Variants in USP8 observed in about 807,000 individuals in gnomAD.
USP8 encodes the protein ubiquitin carboxyl-terminal hydrolase 8.
In USP8, 27 loss-of-function variants were observed where a neutral mutation model predicts 130.0. The observed-to-expected ratio is 0.21, with a 90% CI of 0.15 to 0.29. The LOEUF is 0.29. USP8 is among the 10% of genes least tolerant of loss of function. The pLI is 1.00. For missense variants in USP8, 1,029 were observed against 1,312.2 expected, an observed-to-expected ratio of 0.78 and a Z score of 3.33; for synonymous variants, 392 against 444.1, an observed-to-expected ratio of 0.88 and a Z score of 1.48.
At chr15:50,454,880 A>C (rs1375988743) in intron 4 of USP8, among the ~76,000 whole-genome samples, 1 of 152,032 alleles carries the variant, frequency 6.6e-6, no homozygotes, top group Non-Finnish European at 1.5e-5. Context: ...TCCTGGGCTC[A>C]AGCAATCCCA....
chr15:50,448,816 G>A (rs1204278527), intron 3 of USP8, among the ~76,000 whole-genome samples: 2 of 152,028 alleles, frequency 1.3e-5, no homozygotes, highest in Non-Finnish European at 2.9e-5. Flanking sequence ...CACTGCACCC[G>A]GCCTAGATTA....
At chr15:50,476,115 G>C (rs1187415034) in intron 8 of USP8, among the ~76,000 whole-genome samples, 1 of 152,102 alleles carries the variant, frequency 6.6e-6, no homozygotes, top group Non-Finnish European at 1.5e-5. Flanking sequence ...TCAAACGATT[G>C]ACTCAGTTTT....
At chr15:50,495,187 C>CAGAT (rs1458517826) in intron 16 of USP8, among the ~76,000 whole-genome samples, 2 of 150,184 alleles carry the variant, frequency 1.3e-5, no homozygotes, top group African/African-American at 4.9e-5. Flanking sequence ...AACCACTGAA[C>CAGAT]AGATATATAT....
At chr15:50,491,776 T>C (rs998477111) in intron 14 of USP8, among the ~76,000 whole-genome samples, 5 of 152,228 alleles carry the variant, frequency 3.3e-5, no homozygotes, top group African/African-American at 1.2e-4. Flanking sequence ...CCCAGCACTG[T>C]CCAGCAGATC....
chr15:50,433,421 A>G (rs1361766555), intron 1 of USP8, among the ~76,000 whole-genome samples: 4 of 152,068 alleles, frequency 2.6e-5, no homozygotes, highest in Non-Finnish European at 5.9e-5. Context: ...TTTCCTTTCA[A>G]TATTGCCAAA....
rs1458658570 is a variant in USP8 at position 50,493,582 on chromosome 15, C to T, written c.2448-488C>T. 3.6e-5 allele frequency: 17 copies of T among 474,424 alleles called. No individual in the cohort carries two copies. In the East Asian group the frequency reaches 7.2e-4, roughly 20 times the overall value. 29.4% of individuals were successfully genotyped at this position (474,424 alleles called of 1,614,324 possible). A position where few individuals can be genotyped will look rare whatever the true frequency, so the allele number is the denominator to read the frequency against. On this transcript the variant is annotated intron_variant, in intron 15 of 19. Coordinates refer to ENST00000307179, the MANE Select transcript of USP8 (RefSeq NM_005154.5). ...CAGTCTGGGCAACAAGGCAAAACTC[C>T]GTCTCTACAAAAATTAGCTAGGTGT... is the stretch of plus-strand genomic sequence containing the variant.
At chr15:50,474,317 T>C (rs1479541884) in intron 8 of USP8, among the ~76,000 whole-genome samples, 2 of 152,158 alleles carry the variant, frequency 1.3e-5, no homozygotes, top group Non-Finnish European at 2.9e-5. Context: ...TGTTAAATTA[T>C]TAACAATGAT....
chr15:50,458,831 T>G (rs2050878895), intron 4 of USP8, among the ~76,000 whole-genome samples, 169 bp from the exon 5 acceptor site: 1 of 152,186 alleles, frequency 6.6e-6, no homozygotes, highest in African/African-American at 2.4e-5. Context: ...CAATTTGAAG[T>G]AAATCTACAG....
chr15:50,485,290 A>G (rs1160150815), intron 12 of USP8, among the ~76,000 whole-genome samples: 1 of 145,914 alleles, frequency 6.9e-6, no homozygotes, highest in Non-Finnish European at 1.5e-5. Flanking sequence ...CTAAAAATAC[A>G]AAAAAAAAAA....
rs898810598 is a variant in USP8, at chr15:50,492,712, A to G, written c.2246A>G (p.Tyr749Cys). ...TVNRENKPTC[Y>C]PKAEISRLSA... ...TTTTTCTTCCTCAGGCCAACATGTT[A>G]TCCTAAAGCTGAGATCTCAAGGCTT... Residue 749 changes from tyrosine (Y) to cysteine (C), a missense_variant, in exon 15 of 20, where the codon TAT (tyrosine) becomes TGT (cysteine). Tyr to Cys is a radical substitution (Grantham distance 194). Transcript: ENST00000307179. 6 of 1,613,586 alleles carry G rather than the reference A, an allele frequency of 3.7e-6. No individual in the cohort carries two copies. In the African/African-American group the frequency reaches 8.0e-5, roughly 22 times the overall value.
intron 6 of USP8, among the ~76,000 whole-genome samples, chr15:50,463,989 A>G (rs2051100251): frequency 1.3e-5 from 2 of 152,218 alleles, no homozygotes; most frequent in South Asian, 4.1e-4. Context: ...AGAAAACAAA[A>G]TAATCTTTTT....
At chr15:50,459,996 C>CTTTTTTTTT (rs1555386693) in intron 5 of USP8, among the ~76,000 whole-genome samples, 2 of 91,986 alleles carry the variant, frequency 2.2e-5, no homozygotes, top group Non-Finnish European at 4.2e-5. Flanking sequence ...CACCCCCCCC[C>CTTTTTTTTT]TTTTTTTTTT....
At chr15:50,495,497 T>A (rs1326702260) in intron 16 of USP8, among the ~76,000 whole-genome samples, 1 of 149,060 alleles carries the variant, frequency 6.7e-6, no homozygotes, top group Non-Finnish European at 1.5e-5. Flanking sequence ...GGGGGGGGTC[T>A]CACTATGTTG....
intron 12 of USP8, 83 bp from the exon 13 acceptor site, chr15:50,489,718 A>C: frequency 1.0e-6 from 1 of 985,644 alleles, no homozygotes; most frequent in Non-Finnish European, 1.4e-6. Context: ...CAAGTAGCTT[A>C]AGTTTTTATA....
In USP8 at chr15:50,513,513, C is replaced by G. The variant is rs1181625033; in HGVS notation, c.*14425C>G. The G allele has an allele frequency of 2.4e-4, 26 of 106,256 alleles. No homozygotes were observed. The highest frequency in any genetic ancestry group is 1.8e-5 in the Non-Finnish European group (1 of 55,044). The allele number at this position is 106,256 out of a possible 1,614,324, so 6.6% of individuals were successfully genotyped here. A position where few individuals can be genotyped will look rare whatever the true frequency, so the allele number is the denominator to read the frequency against. On this transcript the variant is annotated 3_prime_UTR_variant, in exon 20 of 20. Coordinates refer to ENST00000307179, the MANE Select transcript of USP8 (RefSeq NM_005154.5). ...TCATGAGTTCGAGACAAGAGCGAAA[C>G]TGTCTAAAAAAAAAAAAAAAAAAAA...
intron 3 of USP8, 145 bp from the exon 4 acceptor site, chr15:50,449,255 C>G (rs1321558052): frequency 1.7e-5 from 7 of 409,856 alleles, no homozygotes. Flanking sequence ...TATACATTTA[C>G]ATAGGTTAAA....
intron 17 of USP8, 46 bp downstream of exon 17, chr15:50,496,130 C>T: frequency 2.8e-6 from 4 of 1,430,288 alleles, no homozygotes; most frequent in Non-Finnish European, 3.9e-6. Flanking sequence ...GATAAAAATG[C>T]TGTTTTTATG....
At chr15:50,492,656 T>C in intron 14 of USP8, 45 bp from the exon 15 acceptor site, 1 of 1,592,188 alleles carries the variant, frequency 6.3e-7, no homozygotes, top group Non-Finnish European at 8.5e-7. Context: ...CTTAATTTCA[T>C]ATGCTCAGCA....
intron 8 of USP8, among the ~76,000 whole-genome samples, chr15:50,472,322 G>A (rs558943268): frequency 3.9e-5 from 6 of 152,076 alleles, no homozygotes; most frequent in East Asian, 3.9e-4. Flanking sequence ...ATGGCCAGGC[G>A]CGGTGGCTCA....
Sources: allele counts gnomAD v4.1 joint callset (sites outside exome capture counted in the v4.1 genomes callset), GRCh38; gene constraint gnomAD v4.1.1; transcripts MANE v1.5; gene names NCBI Gene and HGNC (gene_info 2026-07-23, HGNC 2026-07-21).